Variants in TACC2 observed in about 807,000 individuals in gnomAD.
TACC2 encodes transforming acidic coiled-coil-containing protein 2.
A neutral mutation model predicts 227.3 loss-of-function variants in TACC2; 137 were observed. The observed-to-expected ratio is 0.60, with a 90% CI of 0.52 to 0.69. The LOEUF (loss-of-function observed/expected upper bound fraction) is 0.69. Among genes scored for constraint, TACC2 ranks in the 30% least tolerant of loss-of-function variants. TACC2 has a pLI of 0.00. For missense variants in TACC2, 3,470 were observed against 3,694.4 expected (o/e 0.94, Z 1.57); for synonymous variants, 1,523 against 1,487.5 (o/e 1.02, Z -0.55).
intron 11 of TACC2, among the ~76,000 whole-genome samples, chr10:122,220,023 G>A (rs1486414796): frequency 3.3e-5 from 5 of 150,308 alleles, no homozygotes; most frequent in Non-Finnish European, 7.4e-5. Flanking sequence ...GGGTGACAGA[G>A]TGAGACTCTG....
At chr10:122,028,008 G>A (rs950666000) in intron 2 of TACC2, among the ~76,000 whole-genome samples, 2 of 151,020 alleles carry the variant, frequency 1.3e-5, no homozygotes, top group Non-Finnish European at 2.9e-5. Flanking sequence ...CTCCCAAAGT[G>A]CTAGGATTAC....
intron 3 of TACC2, among the ~76,000 whole-genome samples, chr10:122,077,992 A>T (rs2079010922): frequency 6.6e-6 from 1 of 151,956 alleles, no homozygotes; most frequent in African/African-American, 2.4e-5. Context: ...GTCAGGAGTT[A>T]GAGACCAGCC....
Position 122,237,588 on chromosome 10 carries a change from G to A in TACC2, c.8271+50G>A, listed in dbSNP as rs765404872. The A allele has an allele frequency of 7.9e-5, 125 of 1,576,176 alleles. 1 individual carries two copies. In the Admixed American group the frequency reaches 1.3e-3, roughly 17 times the overall value. On this transcript the variant is annotated intron_variant, in intron 17 of 22. Coordinates refer to ENST00000369005, the MANE Select transcript of TACC2 (RefSeq NM_206862.4). ...CCCTCTTCCTGCCACTTATAAATAC[G>A]TATGCTCGTGGTCCACAAAGCCAGA...
chr10:122,146,346 G>T (rs1461769408), intron 7 of TACC2, among the ~76,000 whole-genome samples: 1 of 152,064 alleles, frequency 6.6e-6, no homozygotes, highest in Non-Finnish European at 1.5e-5. Flanking sequence ...GTCTATAGTT[G>T]CTGTGGTTTG....
At position 122,241,963 on chromosome 10, in the gene TACC2, T is replaced by C. The variant is rs770322124; in HGVS notation, c.8354T>C (p.Ile2785Thr). 6.2e-7 allele frequency: 1 copy of C among 1,614,082 alleles called. No homozygotes were observed. The highest frequency in any genetic ancestry group is 8.5e-7 in the Non-Finnish European group (1 of 1,179,978). The change falls in exon 19 of 23, where the codon ATA (isoleucine) becomes ACA (threonine). Residue 2785 changes from isoleucine (I) to threonine (T), a missense_variant. Physicochemically the swap from Ile to Thr is moderately conservative, Grantham distance 89. Around this residue, in one of 10 missense-constraint regions of TACC2, gnomAD observed 65 missense variants for 119.3 expected, o/e 0.54. Coordinates refer to ENST00000369005, the MANE Select transcript of TACC2 (RefSeq NM_206862.4). ...SRREVMEMRKIVAEYEKTIAQ... is the reference protein window; with the variant it reads ...SRREVMEMRKTVAEYEKTIAQ... ...TGTCTTTACTTCTCTTATAGGAAAA[T>C]AGTGGCCGAGTATGAGAAGACCATC... is the stretch of plus-strand genomic sequence containing the variant.
Position 122,050,967 on chromosome 10 carries a change from G to A in TACC2, c.146+417G>A, listed in dbSNP as rs144210440. Reference sequence around the variant, plus strand: ...GAGGACTGAGAACACAATTACCAAAGCCACCCAAGCCCTTTGTCCCAGGGA... The same window carrying A: ...GAGGACTGAGAACACAATTACCAAAACCACCCAAGCCCTTTGTCCCAGGGA... On this transcript the variant is annotated intron_variant, in intron 3 of 22. Coordinates refer to ENST00000369005, the MANE Select transcript of TACC2 (RefSeq NM_206862.4). This position sits in a 1 kb window ranked among gnomAD's most constrained non-coding sequence, Gnocchi z 4.6. The A allele has an allele frequency of 0.012, 1,948 of 164,284 alleles. 13 individuals are homozygous for A. The highest frequency in any genetic ancestry group is 0.016 in the Non-Finnish European group (1,210 of 75,630). 10.2% of individuals were successfully genotyped at this position (164,284 alleles called of 1,614,324 possible). A position where few individuals can be genotyped will look rare whatever the true frequency, so the allele number is the denominator to read the frequency against.
At chr10:122,089,604 C>T (rs577658032) in intron 5 of TACC2, among the ~76,000 whole-genome samples, 68 of 152,328 alleles carry the variant, frequency 4.5e-4, no homozygotes, top group African/African-American at 1.6e-3. Flanking sequence ...AAGCTTTCCG[C>T]CTCCCTAGGC....
At position 122,087,171 on chromosome 10, in the gene TACC2, T is replaced by C. The variant is rs1249015665; in HGVS notation, c.4671T>C (p.Ala1557=). ...TGGAGAGGAGCAGGCAGGAATTAGC[T>C]TCAGGTCTTCCTTCACCAGCAGCTA... The part of the protein sequence containing the change: ...SQLERSRQEL[A]SGLPSPAATQ... Residue 1557 remains alanine, a synonymous_variant, in exon 4 of 23, where the codon GCT becomes GCC. Coordinates refer to ENST00000369005, the MANE Select transcript of TACC2 (RefSeq NM_206862.4). 4 of 1,611,362 alleles carry C rather than the reference T, an allele frequency of 2.5e-6. No individual in the cohort carries two copies. The East Asian group carries it at 8.9e-5, about 36-fold the overall frequency.
At chr10:122,088,654 A>G in intron 5 of TACC2, 63 bp downstream of exon 5, 1 of 1,573,806 alleles carries the variant, frequency 6.4e-7, no homozygotes, top group Middle Eastern at 1.7e-4. Context: ...GACACACTGG[A>G]TGTTTTGGAA....
rs1361852190 is a variant in TACC2, at chr10:122,141,210, T to C, written c.5700-2362T>C. ...TCAGGAGGGAAGAGGAGAAGTTCTG[T>C]TGGGCCCAGGAGGTGTCTGTGGGGG... On this transcript the variant is annotated intron_variant, in intron 6 of 22. Transcript: ENST00000369005. This position sits in a 1 kb window ranked among gnomAD's most constrained non-coding sequence, Gnocchi z 4.3. 6.6e-6 allele frequency among the ~76,000 whole-genome samples: 1 copy of C among 152,074 alleles called. No individual in the cohort carries two copies. The highest frequency in any genetic ancestry group is 1.5e-5 in the Non-Finnish European group (1 of 67,994).
At chr10:122,183,073 C>T (rs1186324288) in intron 7 of TACC2, among the ~76,000 whole-genome samples, 1 of 152,144 alleles carries the variant, frequency 6.6e-6, no homozygotes, top group Non-Finnish European at 1.5e-5. Context: ...GGCGTGGTGG[C>T]ACGTGCCTGT....
intron 16 of TACC2, among the ~76,000 whole-genome samples, chr10:122,231,188 G>A (rs769779989): frequency 4.6e-5 from 7 of 152,158 alleles, no homozygotes; most frequent in Admixed American, 1.3e-4. Flanking sequence ...CCAAGTTTGG[G>A]GTAACTTTTA....
intron 2 of TACC2, among the ~76,000 whole-genome samples, chr10:122,034,927 CA>C (rs66566854): frequency 0.12 from 14,077 of 116,048 alleles, 1,104 homozygotes; most frequent in African/African-American, 0.28. Context: ...GACTCCATCT[CA>C]AAAAAAAAAA....
intron 12 of TACC2, among the ~76,000 whole-genome samples, chr10:122,225,645 G>C (rs537093810): frequency 3.3e-5 from 5 of 152,312 alleles, no homozygotes; most frequent in African/African-American, 1.2e-4. Context: ...GGGAACTGTC[G>C]TGTGTTTTGA....
chr10:122,227,381 G>T (rs1372215269), intron 13 of TACC2, among the ~76,000 whole-genome samples: 1 of 152,192 alleles, frequency 6.6e-6, no homozygotes, highest in African/African-American at 2.4e-5. Context: ...AAGAGACTCT[G>T]CAGGCTGCCC....
intron 20 of TACC2, 57 bp downstream of exon 20, chr10:122,248,860 G>A (rs887117786): frequency 6.2e-7 from 1 of 1,603,022 alleles, no homozygotes. Flanking sequence ...GAGATTGTGG[G>A]AGCACTGGGA....
chr10:122,239,436 G>T (rs866246069), intron 18 of TACC2, among the ~76,000 whole-genome samples: 2 of 152,204 alleles, frequency 1.3e-5, no homozygotes, highest in African/African-American at 2.4e-5. Flanking sequence ...TCTCCTGTTC[G>T]TTCCTTCTTT....
chr10:122,229,157 A>G (rs1402185988), intron 14 of TACC2, among the ~76,000 whole-genome samples, 189 bp from the exon 15 acceptor site: 2 of 152,018 alleles, frequency 1.3e-5, no homozygotes, highest in African/African-American at 4.8e-5. Context: ...TGCCAATCTC[A>G]AGATGTGCAT....
At chr10:122,189,230 G>A (rs2094324374) in intron 7 of TACC2, among the ~76,000 whole-genome samples, 2 of 152,124 alleles carry the variant, frequency 1.3e-5, no homozygotes, top group Admixed American at 1.3e-4. Context: ...GTCTCATTCA[G>A]CGGAATATTT....
Sources: allele counts gnomAD v4.1 joint callset (sites outside exome capture counted in the v4.1 genomes callset), GRCh38; gene constraint gnomAD v4.1.1; regional missense constraint gnomAD v4.1.1; non-coding constraint Gnocchi (gnomAD v3.1); transcripts MANE v1.5; gene names NCBI Gene and HGNC (gene_info 2026-07-23, HGNC 2026-07-21).